ANO10: variants seen among roughly 807,000 people sequenced by gnomAD.
ANO10 encodes the protein anoctamin 10.
A neutral mutation model predicts 74.7 loss-of-function variants in ANO10; 77 were observed. That is an observed-to-expected ratio of 1.03 (90% CI 0.86 to 1.25). The LOEUF (loss-of-function observed/expected upper bound fraction) is 1.25, where lower values mean the gene tolerates loss of function less well. ANO10 is among the 50% of genes most tolerant of loss of function. The pLI is 0.00. For missense variants in ANO10, 721 were observed against 778.1 expected, an observed-to-expected ratio of 0.93 and a Z score of 0.87; for synonymous variants, 279 against 284.9, an observed-to-expected ratio of 0.98 and a Z score of 0.21.
chr3:43,646,554 C>T (rs1405927154), intron 1 of ANO10, among the ~76,000 whole-genome samples: 2 of 152,070 alleles, frequency 1.3e-5, no homozygotes, highest in Admixed American at 6.6e-5. Context: ...GTTTTTGAGA[C>T]GGAGTCTTGC....
rs191533060 is a variant in ANO10, at chr3:43,639,649, C to T, written c.-11-33786G>A. Among the ~76,000 whole-genome samples, 1,509 of 151,994 alleles carry T rather than the reference C, an allele frequency of 9.9e-3. 19 individuals are homozygous for T. The highest frequency in any genetic ancestry group is 0.017 in the Non-Finnish European group (1,136 of 67,928). On this transcript the variant is annotated intron_variant, in intron 1 of 3. Coordinates refer to the ANO10 transcript ENST00000413397. ...TGGTGGTGCATGCCTGTAATCCCAGCTCTGTAATCCCAGCTACTCAGGAGG... is the reference window on the plus strand; with the variant it reads ...TGGTGGTGCATGCCTGTAATCCCAGTTCTGTAATCCCAGCTACTCAGGAGG...
chr3:43,577,796 C>T (rs1244450861), intron 5 of ANO10, among the ~76,000 whole-genome samples: 1 of 152,156 alleles, frequency 6.6e-6, no homozygotes, highest in Non-Finnish European at 1.5e-5. Flanking sequence ...TATTCAAAAG[C>T]ACAAAACAGG....
intron 4 of ANO10, among the ~76,000 whole-genome samples, chr3:43,597,188 T>C (rs181995810): frequency 8.3e-4 from 126 of 152,292 alleles, no homozygotes; most frequent in African/African-American, 2.8e-3. Context: ...AGTTCAACCA[T>C]TGTGGAAGAC....
intron 12 of ANO10, among the ~76,000 whole-genome samples, chr3:43,398,393 C>A (rs980318242): frequency 7.9e-5 from 12 of 152,152 alleles, no homozygotes; most frequent in African/African-American, 2.9e-4. Context: ...AAAAGTCTGT[C>A]ATTAAAACTT....
chr3:43,686,730 A>C (rs1253801886), intron 1 of ANO10, among the ~76,000 whole-genome samples: 1 of 152,224 alleles, frequency 6.6e-6, no homozygotes, highest in Admixed American at 6.5e-5. Flanking sequence ...GATCCTCCAC[A>C]ACCACATGTA....
intron 1 of ANO10, among the ~76,000 whole-genome samples, chr3:43,660,175 C>A (rs2083909478): frequency 1.3e-5 from 2 of 152,012 alleles, no homozygotes; most frequent in South Asian, 4.1e-4. Context: ...TTCCCAAAAC[C>A]AGAATGACTC....
At chr3:43,490,689 T>C (rs1334807909) in intron 11 of ANO10, among the ~76,000 whole-genome samples, 3 of 152,188 alleles carry the variant, frequency 2.0e-5, no homozygotes, top group Admixed American at 1.3e-4. Context: ...CTTACAAATA[T>C]TGATGCAAAG....
intron 1 of ANO10, among the ~76,000 whole-genome samples, chr3:43,660,899 A>G (rs2083918347): frequency 6.6e-6 from 1 of 152,192 alleles, no homozygotes; most frequent in Admixed American, 6.5e-5. Flanking sequence ...GGTTGCGTTG[A>G]GCCGAGATCA....
intron 11 of ANO10, among the ~76,000 whole-genome samples, chr3:43,509,049 T>A (rs2077410677): frequency 2.0e-5 from 3 of 151,156 alleles, no homozygotes; most frequent in Non-Finnish European, 2.9e-5. Context: ...TAGAAAAGGA[T>A]GAATTCATGT....
rs560620075 is a variant in ANO10, at chr3:43,584,207, T to C, written c.473-3735A>G. ...GTAGCCAATTACTAATTCTCCATGT[T>C]GCTTGTCATGTGGTGGAATGAGGGG... On this transcript the variant is annotated intron_variant, in intron 4 of 12. Coordinates refer to ENST00000292246, the MANE Select transcript of ANO10 (RefSeq NM_018075.5). Among the ~76,000 whole-genome samples the C allele has an allele frequency of 3.9e-5, 6 of 152,334 alleles. No individual in the cohort carries two copies. In the East Asian group the frequency reaches 1.2e-3, roughly 29 times the overall value.
intron 10 of ANO10, among the ~76,000 whole-genome samples, chr3:43,550,915 G>A (rs1233158555): frequency 1.3e-5 from 2 of 151,970 alleles, no homozygotes; most frequent in African/African-American, 4.8e-5. Flanking sequence ...CAGACAGTTT[G>A]TATGCAAAAT....
At chr3:43,415,059 C>T (rs1162199915) in intron 12 of ANO10, among the ~76,000 whole-genome samples, 3 of 149,834 alleles carry the variant, frequency 2.0e-5, no homozygotes. Context: ...ACTGCAACCT[C>T]CACCTCCTGG....
intron 12 of ANO10, among the ~76,000 whole-genome samples, chr3:43,415,293 G>A (rs984454914): frequency 2.0e-5 from 3 of 151,680 alleles, no homozygotes; most frequent in Non-Finnish European, 2.9e-5. Flanking sequence ...ATTTTACAGA[G>A]GAAGAAACTG....
chr3:43,367,964 T>C (rs1345317391), intron 12 of ANO10, among the ~76,000 whole-genome samples: 1 of 152,200 alleles, frequency 6.6e-6, no homozygotes, highest in Non-Finnish European at 1.5e-5. Context: ...CCATGCTCCC[T>C]GTGGCTTTCA....
intron 11 of ANO10, among the ~76,000 whole-genome samples, chr3:43,538,510 T>A (rs2149270253): frequency 6.6e-6 from 1 of 152,264 alleles, no homozygotes; most frequent in Non-Finnish European, 1.5e-5. Flanking sequence ...AAGAACAGGT[T>A]TTTTTAACAA....
intron 11 of ANO10, among the ~76,000 whole-genome samples, chr3:43,437,220 A>C (rs1287590001): frequency 6.6e-6 from 1 of 152,204 alleles, no homozygotes; most frequent in Non-Finnish European, 1.5e-5. Flanking sequence ...TAAAAGAAAC[A>C]ACACTGGAAA....
At position 43,664,241 on chromosome 3, in the gene ANO10, T is replaced by C. The variant is rs147944872; in HGVS notation, c.-12+27276A>G. 9.7e-3 allele frequency among the ~76,000 whole-genome samples: 1,481 copies of C among 152,222 alleles called. 8 individuals are homozygous for C. Among genetic ancestry groups the C allele is most frequent in the Admixed American group, 0.015 (236 of 15,288 alleles). On this transcript the variant is annotated intron_variant, in intron 1 of 3. Coordinates refer to the ANO10 transcript ENST00000413397. ...AAATAACACCACACATCTACCACCATCTGATCTTTGACAAACCTGACACAC... is the reference window on the plus strand; with the variant it reads ...AAATAACACCACACATCTACCACCACCTGATCTTTGACAAACCTGACACAC...
At chr3:43,669,239 G>C (rs964105366) in intron 1 of ANO10, among the ~76,000 whole-genome samples, 12 of 152,124 alleles carry the variant, frequency 7.9e-5, no homozygotes, top group Admixed American at 3.9e-4. Flanking sequence ...CTGAGGAAAG[G>C]CCTTATTAAA....
intron 1 of ANO10, among the ~76,000 whole-genome samples, chr3:43,686,061 AG>A (rs1295978285): frequency 6.6e-6 from 1 of 152,072 alleles, no homozygotes; most frequent in African/African-American, 2.4e-5. Context: ...TTGTCTCTGG[AG>A]GGCAGCTCTA....
Sources: gnomAD v4.1 joint callset for allele counts (sites outside exome capture counted in the v4.1 genomes callset) on GRCh38, gnomAD v4.1.1 for gene constraint, MANE v1.5 for transcripts, NCBI Gene and HGNC (gene_info 2026-07-23, HGNC 2026-07-21) for gene names.